The following SH3PXD2A variants were observed in gnomAD, a reference collection of about 807,000 sequenced individuals.
The protein encoded by SH3PXD2A is SH3 and PX domains 2A.
A neutral mutation model predicts 115.2 loss-of-function variants in SH3PXD2A; 32 were observed. The ratio of observed to expected loss-of-function variants is 0.28; its 90% CI spans 0.21 to 0.37. The LOEUF (loss-of-function observed/expected upper bound fraction) is 0.37. Among genes scored for constraint, SH3PXD2A ranks in the 10% least tolerant of loss-of-function variants. The probability of loss-of-function intolerance (pLI) is 1.00; values close to 1 mark genes in which losing one functional copy is unlikely to be tolerated. For missense variants in SH3PXD2A, 1,328 were observed against 1,498.7 expected (o/e 0.89, Z 1.88); for synonymous variants, 610 against 629.1 (o/e 0.97, Z 0.45).
chr10:103,601,909 C>A lies in SH3PXD2A; in HGVS notation c.3309G>T (p.Arg1103Ser). The A allele has an allele frequency of 6.2e-7, 1 of 1,614,040 alleles. No individual in the cohort carries two copies. Among genetic ancestry groups the A allele is most frequent in the Non-Finnish European group, 8.5e-7 (1 of 1,179,974 alleles). The change falls in exon 15 of 15, where the codon AGG becomes AGT. Residue 1103 changes from arginine (R) to serine (S), a missense_variant. Arg to Ser is a moderately radical substitution (Grantham distance 110). Transcript: ENST00000369774. ...GGCAGTACCACCAGCCATTAGGGTT[C>A]CTCTCCAGAACCTCCATGGACACCC... The part of the protein sequence containing the change: ...QEGVSMEVLE[R>S]NPNGWWYCQI...
At chr10:103,754,585 C>A (rs1265478045) in intron 3 of SH3PXD2A, 1 of 152,126 alleles carries the variant, frequency 6.6e-6, no homozygotes, top group Non-Finnish European at 1.5e-5. Flanking sequence ...CAAAACTTCA[C>A]CCCATCTTGG....
intron 5 of SH3PXD2A, among the ~76,000 whole-genome samples, chr10:103,717,028 T>A (rs2038113289): frequency 6.6e-6 from 1 of 152,318 alleles, no homozygotes; most frequent in East Asian, 1.9e-4. Flanking sequence ...GCACTTTATG[T>A]GTGCTAAAGC....
intron 8 of SH3PXD2A, among the ~76,000 whole-genome samples, chr10:103,659,415 A>G (rs575390594): frequency 1.3e-5 from 2 of 152,310 alleles, no homozygotes; most frequent in South Asian, 4.1e-4. Flanking sequence ...TGCAAGCTCT[A>G]CAACAAACAT....
At chr10:103,623,050 C>A (rs1165690913) in intron 9 of SH3PXD2A, among the ~76,000 whole-genome samples, 1 of 152,178 alleles carries the variant, frequency 6.6e-6, no homozygotes, top group Non-Finnish European at 1.5e-5. Context: ...AATCAGTGTG[C>A]CCAAGAGAGA....
intron 1 of SH3PXD2A, among the ~76,000 whole-genome samples, chr10:103,802,013 A>G (rs1213323465): frequency 6.6e-6 from 1 of 152,170 alleles, no homozygotes; most frequent in Non-Finnish European, 1.5e-5. Flanking sequence ...CTTTTTAGAT[A>G]GCTAATTTCC....
chr10:103,714,056 C>T (rs2038076961), intron 5 of SH3PXD2A, among the ~76,000 whole-genome samples: 1 of 152,238 alleles, frequency 6.6e-6, no homozygotes. Flanking sequence ...GTTCTAGGTT[C>T]AGTTCTGCCT....
At chr10:103,793,562 G>A (rs1435648789) in intron 2 of SH3PXD2A, among the ~76,000 whole-genome samples, 1 of 152,196 alleles carries the variant, frequency 6.6e-6, no homozygotes, top group Non-Finnish European at 1.5e-5. Flanking sequence ...GCCTGCCTGG[G>A]ACCAGTGAAT....
intron 8 of SH3PXD2A, 58 bp downstream of exon 8, chr10:103,660,925 G>C (rs1057306862): frequency 6.3e-7 from 1 of 1,592,732 alleles, no homozygotes. Flanking sequence ...ACAAAAACCA[G>C]CTCGGCCCGG....
chr10:103,661,619 C>T (rs2037304713), intron 7 of SH3PXD2A: 2 of 976,130 alleles, frequency 2.0e-6, no homozygotes, highest in African/African-American at 3.5e-5. Flanking sequence ...CCAGCCTCTG[C>T]CCCCAACCCC....
intron 1 of SH3PXD2A, among the ~76,000 whole-genome samples, chr10:103,820,652 C>T (rs544972949): frequency 6.6e-6 from 1 of 152,240 alleles, no homozygotes; most frequent in South Asian, 2.1e-4. Context: ...CCCTTGCTCA[C>T]ACCCAGGCCC....
At chr10:103,742,265 C>A (rs1490382766) in intron 3 of SH3PXD2A, among the ~76,000 whole-genome samples, 1 of 152,198 alleles carries the variant, frequency 6.6e-6, no homozygotes, top group Non-Finnish European at 1.5e-5. Context: ...TCTTCTGCAC[C>A]TCTTCTAGCT....
Position 103,843,057 on chromosome 10 carries a change from C to T in SH3PXD2A, c.72+12138G>A, listed in dbSNP as rs150224252. The stretch of plus-strand genomic sequence containing the variant: ...TGAGCAAAATCAAGAAGGATGATAA[C>T]GCTGGTGATAGCAATAGTGCCGTTT... On this transcript the variant is annotated intron_variant, in intron 1 of 14. Transcript: ENST00000369774. 1.6e-3 allele frequency among the ~76,000 whole-genome samples: 239 copies of T among 152,262 alleles called. 2 individuals carry two copies. Among genetic ancestry groups the T allele is most frequent in the African/African-American group, 5.4e-3 (223 of 41,564 alleles).
intron 7 of SH3PXD2A, 106 bp from the exon 8 acceptor site, chr10:103,661,220 G>C: frequency 7.4e-7 from 1 of 1,353,428 alleles, no homozygotes; most frequent in Non-Finnish European, 9.9e-7. Context: ...TCTGTCGCCA[G>C]CGCCGCTCCC....
At chr10:103,649,045 G>A (rs939445632) in intron 8 of SH3PXD2A, among the ~76,000 whole-genome samples, 1 of 152,156 alleles carries the variant, frequency 6.6e-6, no homozygotes, top group African/African-American at 2.4e-5. Context: ...ATTTGGCTGC[G>A]GGGAAGAGCT....
At chr10:103,776,423 TGC>T (rs2038878905) in intron 2 of SH3PXD2A, among the ~76,000 whole-genome samples, 1 of 125,796 alleles carries the variant, frequency 7.9e-6, no homozygotes, top group Non-Finnish European at 1.7e-5. Context: ...AGTGTGTGCA[TGC>T]GTGTGTGTGT....
chr10:103,804,277 C>G (rs1589461869), intron 1 of SH3PXD2A, among the ~76,000 whole-genome samples: 1 of 147,814 alleles, frequency 6.8e-6, no homozygotes, highest in East Asian at 2.0e-4. Context: ...CAGATGGTTG[C>G]AGGGGGCCTT....
chr10:103,677,207 G>A (rs145867617), intron 6 of SH3PXD2A, among the ~76,000 whole-genome samples: 7 of 152,242 alleles, frequency 4.6e-5, no homozygotes, highest in Admixed American at 6.5e-5. Flanking sequence ...TGAATCAACC[G>A]CCAACTATTT....
chr10:103,839,990 G>A (rs1315947989), intron 1 of SH3PXD2A, among the ~76,000 whole-genome samples: 1 of 152,258 alleles, frequency 6.6e-6, no homozygotes, highest in Non-Finnish European at 1.5e-5. Context: ...TAGGGCAAAG[G>A]TAAAGGGCTC....
At chr10:103,669,856 T>C (rs1381015034) in intron 6 of SH3PXD2A, among the ~76,000 whole-genome samples, 1 of 152,258 alleles carries the variant, frequency 6.6e-6, no homozygotes, top group Non-Finnish European at 1.5e-5. Context: ...CAAACACTTA[T>C]ACAGCATTTC....
Sources: allele counts gnomAD v4.1 joint callset (sites outside exome capture counted in the v4.1 genomes callset), GRCh38; gene constraint gnomAD v4.1.1; transcripts MANE v1.5; gene names NCBI Gene and HGNC (gene_info 2026-07-23, HGNC 2026-07-21).